ABCA8: variants seen among roughly 807,000 people sequenced by gnomAD.
ABCA8 encodes the protein ABC-type organic anion transporter ABCA8.
A neutral mutation model predicts 192.3 loss-of-function variants in ABCA8; 177 were observed. That is an observed-to-expected ratio of 0.92 (90% CI 0.81 to 1.04). The LOEUF (loss-of-function observed/expected upper bound fraction) is 1.04. Among genes scored for constraint, ABCA8 ranks in the 50% least tolerant of loss-of-function variants. The probability of loss-of-function intolerance (pLI) is 0.00; values close to 1 mark genes in which losing one functional copy is unlikely to be tolerated. For synonymous variants in ABCA8, 642 were observed against 690.2 expected, an observed-to-expected ratio of 0.93 and a Z score of 1.09; for missense variants, 1,915 against 1,904.8, an observed-to-expected ratio of 1.01 and a Z score of -0.10.
chr17:68,917,745 G>C (rs2067412334), intron 16 of ABCA8, among the ~76,000 whole-genome samples: 1 of 152,164 alleles, frequency 6.6e-6, no homozygotes, highest in Admixed American at 6.5e-5. Context: ...AATATTTCAA[G>C]TGGATTTCCC....
At position 68,877,763 on chromosome 17, in the gene ABCA8, T is replaced by A; in HGVS notation, c.4039-84A>T. 5.1e-6 allele frequency: 7 copies of A among 1,370,446 alleles called. No individual in the cohort carries two copies. The South Asian group carries it at 9.4e-5, about 18-fold the overall frequency. The allele number at this position is 1,370,446 out of a possible 1,614,324, so 84.9% of individuals were successfully genotyped here. The stretch of plus-strand genomic sequence containing the variant: ...CATGACATCATTCTCTTCACGAACC[T>A]AGAAAAACTAGAGAAACTCTAAACC... On this transcript the variant is annotated intron_variant, in intron 32 of 39. Transcript: ENST00000586539.
intron 1 of ABCA8, among the ~76,000 whole-genome samples, chr17:68,952,884 T>C (rs780627038): frequency 1.3e-5 from 2 of 152,206 alleles, no homozygotes; most frequent in Non-Finnish European, 2.9e-5. Context: ...AAGAACATGA[T>C]GTGATTGTTT....
rs2067223079 is a variant in ABCA8 at position 68,911,347 on chromosome 17, CCTT to C, written c.2139-3471_2139-3469del. ...GCAGTGGTGACTAGGGGGAGAGACT[CCTT>C]CTCCTTGAGGAGAGGGAAGAGTGGG... On this transcript the variant is annotated intron_variant, in intron 17 of 39. Transcript: ENST00000586539. The surrounding 1 kb of genome is among the most constrained non-coding windows in gnomAD (Gnocchi z 5.7). Among the ~76,000 whole-genome samples, 2 of 151,750 alleles carry C rather than the reference CCTT, an allele frequency of 1.3e-5. No individual in the cohort carries two copies. Among genetic ancestry groups the C allele is most frequent in the East Asian group, 2.0e-4 (1 of 5,104 alleles).
intron 17 of ABCA8, among the ~76,000 whole-genome samples, chr17:68,915,336 A>G (rs2067327188): frequency 6.6e-6 from 1 of 152,172 alleles, no homozygotes; most frequent in African/African-American, 2.4e-5. Flanking sequence ...AAGTAAAGAG[A>G]CAACTCATAG....
In ABCA8 at chr17:68,895,085, C is replaced by G. The variant is rs892729643; in HGVS notation, c.2765-72G>C. ...AATGTCAAGTTGTGTAGTCAAATTA[C>G]AGTTAATGTCATTATGTGAAGCAGT... On this transcript the variant is annotated intron_variant, in intron 21 of 39. Coordinates refer to ENST00000586539, the MANE Select transcript of ABCA8 (RefSeq NM_001288985.2). The G allele has an allele frequency of 3.8e-6, 5 of 1,333,150 alleles. No homozygotes were observed. In the African/African-American group the frequency reaches 5.9e-5, roughly 16 times the overall value. The allele number at this position is 1,333,150 out of a possible 1,614,324, so 82.6% of individuals were successfully genotyped here. A position where few individuals can be genotyped will look rare whatever the true frequency, so the allele number is the denominator to read the frequency against.
intron 17 of ABCA8, among the ~76,000 whole-genome samples, chr17:68,913,375 GAATAA>G (rs2067271169): frequency 6.6e-6 from 1 of 150,760 alleles, no homozygotes; most frequent in African/African-American, 2.4e-5. Context: ...AAAAGTCGTA[GAATAA>G]AAGAAATAAT....
intron 5 of ABCA8, among the ~76,000 whole-genome samples, chr17:68,933,997 T>G (rs2067983048): frequency 6.6e-6 from 1 of 152,162 alleles, no homozygotes; most frequent in South Asian, 2.1e-4. Flanking sequence ...GAATCTCTTG[T>G]GCACTTCCCC....
At chr17:68,909,129 T>C (rs1042820538) in intron 17 of ABCA8, among the ~76,000 whole-genome samples, 2 of 152,170 alleles carry the variant, frequency 1.3e-5, no homozygotes, top group African/African-American at 4.8e-5. Context: ...CCTTGGCCAC[T>C]TGTAGGAACT....
At chr17:68,954,910 A>T (rs1487667537) in intron 1 of ABCA8, among the ~76,000 whole-genome samples, 1 of 152,192 alleles carries the variant, frequency 6.6e-6, no homozygotes, top group African/African-American at 2.4e-5. Context: ...AGCTCTTCAC[A>T]AAAAATTTTT....
intron 2 of ABCA8, among the ~76,000 whole-genome samples, chr17:68,947,984 G>A (rs1053554143): frequency 7.9e-5 from 12 of 152,122 alleles, no homozygotes; most frequent in African/African-American, 2.7e-4. Context: ...TTACGAGTAA[G>A]AACATGTGGT....
chr17:68,905,389 C>T (rs6501851), intron 19 of ABCA8, among the ~76,000 whole-genome samples: 105,426 of 152,040 alleles, frequency 0.69, 36,974 homozygotes, highest in East Asian at 0.85. Flanking sequence ...AAATATGTTA[C>T]AAGATCTACT....
intron 21 of ABCA8, among the ~76,000 whole-genome samples, chr17:68,895,377 A>C (rs184392122): frequency 3.9e-5 from 6 of 152,262 alleles, no homozygotes; most frequent in Admixed American, 3.3e-4. Context: ...TAATTTTCAA[A>C]ATTTTCTTGA....
At position 68,876,188 on chromosome 17, in the gene ABCA8, T is replaced by C. The variant is rs554868391; in HGVS notation, c.4370+272A>G. ...ACACTACGTGATTGTGATCTAGAAA[T>C]GCACCTAAAAGATCAGCTGAGCGCT... On this transcript the variant is annotated intron_variant, in intron 35 of 39. Coordinates refer to ENST00000586539, the MANE Select transcript of ABCA8 (RefSeq NM_001288985.2). The C allele has an allele frequency of 3.8e-5, 20 of 529,246 alleles. No individual in the cohort carries two copies. In the South Asian group the frequency reaches 4.4e-4, roughly 12 times the overall value. The allele number at this position is 529,246 out of a possible 1,614,324, so 32.8% of individuals were successfully genotyped here.
intron 17 of ABCA8, among the ~76,000 whole-genome samples, chr17:68,913,803 C>T (rs970863623): frequency 6.6e-6 from 1 of 152,030 alleles, no homozygotes; most frequent in Admixed American, 6.6e-5. Context: ...ATAACTAATA[C>T]CAATCCTATT....
intron 2 of ABCA8, among the ~76,000 whole-genome samples, chr17:68,942,756 G>A (rs2068267521): frequency 6.6e-6 from 1 of 151,958 alleles, no homozygotes; most frequent in Non-Finnish European, 1.5e-5. Flanking sequence ...TTCTTCTTTG[G>A]ATATTCTCCC....
intron 5 of ABCA8, 101 bp from the exon 6 acceptor site, chr17:68,933,372 C>T: frequency 1.5e-6 from 1 of 675,064 alleles, no homozygotes; most frequent in Non-Finnish European, 2.5e-6. Context: ...TTTACAATGA[C>T]CCCAAATTCC....
At chr17:68,921,562 T>C (rs2067534943) in intron 12 of ABCA8, 70 bp from the exon 13 acceptor site, 1 of 935,742 alleles carries the variant, frequency 1.1e-6, no homozygotes, top group East Asian at 2.5e-5. Flanking sequence ...CCACAAAAAA[T>C]ATTCCATTAT....
chr17:68,926,992 A>T (rs2067718988), intron 10 of ABCA8, among the ~76,000 whole-genome samples: 1 of 152,224 alleles, frequency 6.6e-6, no homozygotes, highest in Admixed American at 6.5e-5. Flanking sequence ...ACTGTGGCTC[A>T]TGCCTGTAAT....
intron 1 of ABCA8, among the ~76,000 whole-genome samples, chr17:68,952,811 T>C (rs1368108703): frequency 6.6e-6 from 1 of 152,170 alleles, no homozygotes; most frequent in African/African-American, 2.4e-5. Context: ...AGCAGTAGAC[T>C]ACCCTCTACC....
Sources: gnomAD v4.1 joint callset for allele counts (sites outside exome capture counted in the v4.1 genomes callset) on GRCh38, gnomAD v4.1.1 for gene constraint, Gnocchi (gnomAD v3.1) non-coding constraint, MANE v1.5 for transcripts, NCBI Gene and HGNC (gene_info 2026-07-23, HGNC 2026-07-21) for gene names.